Variants in CLIC4 observed in about 807,000 individuals in gnomAD.
CLIC4 encodes CLIC family member 4.
Under a neutral mutation model 24.6 loss-of-function variants are expected in CLIC4, and 13 were observed. The ratio of observed to expected loss-of-function variants is 0.53; its 90% CI spans 0.34 to 0.84. The LOEUF is 0.84. CLIC4 is among the 40% of genes least tolerant of loss of function. The pLI is 0.01. For synonymous variants in CLIC4, 104 were observed against 111.3 expected, an observed-to-expected ratio of 0.93 and a Z score of 0.41; for missense variants, 227 against 301.7, an observed-to-expected ratio of 0.75 and a Z score of 1.83.
At chr1:24,792,484 G>T (rs892125745) in intron 1 of CLIC4, among the ~76,000 whole-genome samples, 3 of 152,108 alleles carry the variant, frequency 2.0e-5, no homozygotes, top group Non-Finnish European at 4.4e-5. Flanking sequence ...GAACTATTGT[G>T]CGTGGCCTTT....
chr1:24,758,512 C>T (rs944416465), intron 1 of CLIC4, among the ~76,000 whole-genome samples: 1 of 151,922 alleles, frequency 6.6e-6, no homozygotes, highest in Non-Finnish European at 1.5e-5. Context: ...GGCTGGGGTG[C>T]ACTGGTGCGA....
intron 1 of CLIC4, among the ~76,000 whole-genome samples, chr1:24,752,504 G>C (rs1383597657): frequency 6.6e-6 from 1 of 152,106 alleles, no homozygotes; most frequent in Non-Finnish European, 1.5e-5. Flanking sequence ...TGTTGCCAGT[G>C]GGGGGTGGAA....
intron 2 of CLIC4, among the ~76,000 whole-genome samples, chr1:24,800,891 A>G (rs1557806570): frequency 9.4e-6 from 1 of 106,002 alleles, no homozygotes; most frequent in Non-Finnish European, 1.9e-5. Context: ...AGTCATCACC[A>G]CTCCCTAATC....
At chr1:24,759,622 T>C (rs1638894420) in intron 1 of CLIC4, among the ~76,000 whole-genome samples, 1 of 152,232 alleles carries the variant, frequency 6.6e-6, no homozygotes, top group African/African-American at 2.4e-5. Context: ...CTAGTATTAC[T>C]GACTCTATTA....
chr1:24,814,077 A>G lies in CLIC4; in HGVS notation c.183-17A>G. The G allele has an allele frequency of 1.2e-6, 2 of 1,612,822 alleles. No homozygotes were observed. The highest frequency in any genetic ancestry group is 1.7e-6 in the Non-Finnish European group (2 of 1,179,888). ...AGTAAAAAATGATCTGATTTTGACC[A>G]ATATTTTGCCCAACAGGAAGCCAGC... On this transcript the variant is annotated splice_polypyrimidine_tract_variant and intron_variant, in intron 2 of 5. Coordinates refer to ENST00000374379, the MANE Select transcript of CLIC4 (RefSeq NM_013943.3).
intron 2 of CLIC4, among the ~76,000 whole-genome samples, chr1:24,801,930 G>C (rs984795147): frequency 6.6e-6 from 1 of 152,068 alleles, no homozygotes; most frequent in Middle Eastern, 3.2e-3. Flanking sequence ...GGGCAGAGAT[G>C]TAAGAATGAA....
chr1:24,836,516 A>G (rs1446843725), intron 4 of CLIC4, among the ~76,000 whole-genome samples: 2 of 152,222 alleles, frequency 1.3e-5, no homozygotes, highest in African/African-American at 4.8e-5. Context: ...TTCTCAATCA[A>G]AGAAAATATG....
chr1:24,780,168 A>T (rs1414528507), intron 1 of CLIC4, among the ~76,000 whole-genome samples: 6 of 152,342 alleles, frequency 3.9e-5, no homozygotes, highest in Non-Finnish European at 8.8e-5. Flanking sequence ...ATTTATATTC[A>T]TGATAACCCT....
chr1:24,802,466 A>G (rs1378805160), intron 2 of CLIC4, among the ~76,000 whole-genome samples: 1 of 152,130 alleles, frequency 6.6e-6, no homozygotes, highest in Non-Finnish European at 1.5e-5. Flanking sequence ...TTTATTACCT[A>G]GGGCTTTATG....
Position 24,842,034 on chromosome 1 carries a change from A to G in CLIC4, c.*1097A>G, listed in dbSNP as rs1322811183. 2.0e-5 allele frequency: 3 copies of G among 152,538 alleles called. No individual in the cohort carries two copies. The highest frequency in any genetic ancestry group is 2.9e-5 in the Non-Finnish European group (2 of 68,004). The allele number at this position is 152,538 out of a possible 1,614,324, so 9.4% of individuals were successfully genotyped here. ...AAGAAAGATAAAACACAGGTCACCA[A>G]TTTTCTCATTTCACCCCATTTACCT... On this transcript the variant is annotated 3_prime_UTR_variant, in exon 6 of 6. Coordinates refer to ENST00000374379, the MANE Select transcript of CLIC4 (RefSeq NM_013943.3).
At position 24,842,697 on chromosome 1, in the gene CLIC4, T is replaced by C. The variant is rs1639955660; in HGVS notation, c.*1760T>C. 6.6e-6 allele frequency: 1 copy of C among 152,146 alleles called. No homozygotes were observed. The highest frequency in any genetic ancestry group is 2.4e-5 in the African/African-American group (1 of 41,432). The allele number at this position is 152,146 out of a possible 1,614,324, so 9.4% of individuals were successfully genotyped here. A position where few individuals can be genotyped will look rare whatever the true frequency, so the allele number is the denominator to read the frequency against. On this transcript the variant is annotated 3_prime_UTR_variant, in exon 6 of 6. Coordinates refer to ENST00000374379, the MANE Select transcript of CLIC4 (RefSeq NM_013943.3). ...CTTATCAAAAGTTTGAGTACCCGCT[T>C]GGTTTTTTTTTGGTAATTAAATATT...
intron 1 of CLIC4, among the ~76,000 whole-genome samples, chr1:24,789,721 G>A (rs2124122618): frequency 6.6e-6 from 1 of 151,474 alleles, no homozygotes; most frequent in South Asian, 2.1e-4. Context: ...TTTCCATCTG[G>A]GACTTCTTTA....
At chr1:24,838,387 T>C (rs769445034) in intron 4 of CLIC4, among the ~76,000 whole-genome samples, 8 of 152,214 alleles carry the variant, frequency 5.3e-5, no homozygotes, top group Non-Finnish European at 1.2e-4. Context: ...CGTTCATTCC[T>C]TTTTATGCCT....
intron 1 of CLIC4, among the ~76,000 whole-genome samples, chr1:24,758,257 A>G (rs1638875637): frequency 6.6e-6 from 1 of 151,968 alleles, no homozygotes; most frequent in Non-Finnish European, 1.5e-5. Context: ...TAAAATAAAA[A>G]TTACTTATAA....
chr1:24,818,965 T>A (rs992686754), intron 3 of CLIC4, among the ~76,000 whole-genome samples: 11 of 151,964 alleles, frequency 7.2e-5, no homozygotes, highest in Admixed American at 6.6e-4. Context: ...TTATTAATAT[T>A]ATATGTATAT....
At chr1:24,804,124 C>T (rs898843160) in intron 2 of CLIC4, among the ~76,000 whole-genome samples, 3 of 151,960 alleles carry the variant, frequency 2.0e-5, no homozygotes, top group African/African-American at 7.3e-5. Context: ...CCATGATCTT[C>T]AGTAGCAGCA....
intron 2 of CLIC4, among the ~76,000 whole-genome samples, chr1:24,800,723 A>G (rs1270589533): frequency 1.3e-5 from 2 of 152,204 alleles, no homozygotes; most frequent in African/African-American, 4.8e-5. Context: ...CTGCACTAAG[A>G]AAAATTCTTC....
intron 1 of CLIC4, among the ~76,000 whole-genome samples, chr1:24,758,595 T>G (rs1638882210): frequency 6.6e-6 from 1 of 152,094 alleles, no homozygotes; most frequent in Non-Finnish European, 1.5e-5. Flanking sequence ...TGGCTGGGAC[T>G]AGAGACACGT....
chr1:24,793,594 G>T (rs77159745), intron 1 of CLIC4, among the ~76,000 whole-genome samples: 1 of 152,100 alleles, frequency 6.6e-6, no homozygotes, highest in African/African-American at 2.4e-5. Flanking sequence ...TAAGAACTAG[G>T]CCTTTTTTAG....
Sources: allele counts gnomAD v4.1 joint callset (sites outside exome capture counted in the v4.1 genomes callset), GRCh38; gene constraint gnomAD v4.1.1; transcripts MANE v1.5; gene names NCBI Gene and HGNC (gene_info 2026-07-23, HGNC 2026-07-21).